NRG1: variants seen among roughly 807,000 people sequenced by gnomAD.
NRG1 encodes the protein neuregulin 1, also known as pro-neuregulin-1, membrane-bound isoform.
NRG1 carries 18 observed loss-of-function variants against 63.8 expected under a neutral mutation model. The ratio of observed to expected loss-of-function variants is 0.28; its 90% confidence interval spans 0.19 to 0.42. The LOEUF is 0.42. Among genes scored for constraint, NRG1 ranks in the 10% least tolerant of loss-of-function variants. The pLI, the probability that NRG1 is intolerant of heterozygous loss-of-function variation, is 1.00. For synonymous variants in NRG1, 302 were observed against 301.3 expected (o/e 1.00, Z -0.02); for missense variants, 762 against 814.7 (o/e 0.94, Z 0.79).
intron 1 of NRG1, among the ~76,000 whole-genome samples, chr8:31,724,488 T>A (rs1390522276): frequency 6.6e-6 from 1 of 152,144 alleles, no homozygotes; most frequent in Non-Finnish European, 1.5e-5. Flanking sequence ...GTTAATATCA[T>A]CAGGCAGAAC....
chr8:31,963,429 G>C (rs188450018), intron 1 of NRG1, among the ~76,000 whole-genome samples: 1 of 152,222 alleles, frequency 6.6e-6, no homozygotes, highest in East Asian at 1.9e-4. Context: ...GATACATTTT[G>C]GATACATCAG....
intron 1 of NRG1, among the ~76,000 whole-genome samples, chr8:32,406,748 G>A (rs578127929): frequency 3.3e-5 from 5 of 151,468 alleles, no homozygotes; most frequent in East Asian, 1.9e-4. Flanking sequence ...CTTCATCTTC[G>A]GTTTTCTTTA....
intron 1 of NRG1, among the ~76,000 whole-genome samples, chr8:31,830,417 A>G (rs567311593): frequency 7.3e-6 from 1 of 137,832 alleles, no homozygotes; most frequent in South Asian, 2.2e-4. Context: ...CTTAACACCT[A>G]TTTGATTTTT....
At chr8:31,841,290 G>GT (rs768512216) in intron 1 of NRG1, among the ~76,000 whole-genome samples, 1 of 152,076 alleles carries the variant, frequency 6.6e-6, no homozygotes, top group Non-Finnish European at 1.5e-5. Context: ...GAAGACCATG[G>GT]TACTTGTAGG....
Position 32,247,059 on chromosome 8 carries a change from T to C in NRG1, c.38-348769T>C, listed in dbSNP as rs562867653. ...TGGTAGGCATAAATCATATTATCACTTTGTACCCCATATACTTACAATATC... is the reference window on the plus strand; with the variant it reads ...TGGTAGGCATAAATCATATTATCACCTTGTACCCCATATACTTACAATATC... On this transcript the variant is annotated intron_variant, in intron 1 of 10. Coordinates refer to the NRG1 transcript ENST00000519301. Among the ~76,000 whole-genome samples, 232 of 152,184 alleles carry C rather than the reference T, an allele frequency of 1.5e-3. 1 individual carries two copies. Among genetic ancestry groups the C allele is most frequent in the Non-Finnish European group, 3.1e-3 (208 of 67,994 alleles).
chr8:32,372,453 G>A (rs1353469385), intron 1 of NRG1, among the ~76,000 whole-genome samples: 3 of 152,146 alleles, frequency 2.0e-5, no homozygotes, highest in East Asian at 1.9e-4. Flanking sequence ...CATGTAAATC[G>A]CTTACAAAAC....
At chr8:32,260,704 T>A (rs1850266029) in intron 1 of NRG1, among the ~76,000 whole-genome samples, 1 of 152,222 alleles carries the variant, frequency 6.6e-6, no homozygotes, top group South Asian at 2.1e-4. Context: ...AACAGTTTAG[T>A]ACTGCGTAGA....
chr8:31,951,648 C>A (rs542762061), intron 1 of NRG1, among the ~76,000 whole-genome samples: 1 of 152,292 alleles, frequency 6.6e-6, no homozygotes, highest in South Asian at 2.1e-4. Flanking sequence ...GCTAGGAAAT[C>A]TATTCTGATG....
chr8:32,448,545 T>C (rs1820559055), intron 1 of NRG1, among the ~76,000 whole-genome samples: 1 of 152,190 alleles, frequency 6.6e-6, no homozygotes, highest in Admixed American at 6.5e-5. Flanking sequence ...TTTTCTTTTA[T>C]TTCTTTTTAG....
chr8:32,237,031 G>C (rs1297196526), intron 1 of NRG1, among the ~76,000 whole-genome samples: 1 of 152,096 alleles, frequency 6.6e-6, no homozygotes, highest in Admixed American at 6.6e-5. Flanking sequence ...AACAAAACAA[G>C]CCACACTATC....
At chr8:32,153,799 C>A (rs1038516263) in intron 1 of NRG1, among the ~76,000 whole-genome samples, 3 of 152,094 alleles carry the variant, frequency 2.0e-5, no homozygotes, top group African/African-American at 7.2e-5. Flanking sequence ...TGTTGGATAT[C>A]AAAAGAAATC....
At chr8:32,647,797 C>T (rs199775395) in intron 5 of NRG1, 192 of 1,613,798 alleles carry the variant, frequency 1.2e-4, no homozygotes, top group South Asian at 1.1e-3. Flanking sequence ...AGTGCAGACC[C>T]ATCTCTTGAT....
chr8:32,578,194 G>C (rs1840010157), intron 1 of NRG1, among the ~76,000 whole-genome samples: 1 of 152,022 alleles, frequency 6.6e-6, no homozygotes, highest in Non-Finnish European at 1.5e-5. Context: ...CAAGATTTCA[G>C]TATGTTGGCC....
chr8:32,641,141 C>CTAAATATATACATATATATATA (rs1213376136), intron 5 of NRG1, among the ~76,000 whole-genome samples: 3 of 142,746 alleles, frequency 2.1e-5, no homozygotes, highest in Non-Finnish European at 4.6e-5. Flanking sequence ...AACCCCGTCT[C>CTAAATATATACATATATATATA]TAAATATATA....
chr8:31,839,733 C>T (rs1410340470), intron 1 of NRG1, among the ~76,000 whole-genome samples: 1 of 152,156 alleles, frequency 6.6e-6, no homozygotes, highest in Non-Finnish European at 1.5e-5. Context: ...GCAAAAATGT[C>T]AGAGTGTCTA....
In NRG1 at chr8:32,038,920, C is replaced by T. The variant is rs148374719; in HGVS notation, c.37+399489C>T. Among the ~76,000 whole-genome samples the T allele has an allele frequency of 5.6e-4, 85 of 151,986 alleles. 2 individuals are homozygous for T. Among genetic ancestry groups the T allele is most frequent in the Non-Finnish European group, 7.4e-5 (5 of 67,964 alleles). ...TGCCTGTTTTTTCTGTTGTGGGCAG[C>T]ATTGCAAAAGTGATCTGTATCCTCT... On this transcript the variant is annotated intron_variant, in intron 1 of 10. Coordinates refer to the NRG1 transcript ENST00000519301.
chr8:31,952,181 T>A (rs1244224105), intron 1 of NRG1, among the ~76,000 whole-genome samples: 2 of 152,218 alleles, frequency 1.3e-5, no homozygotes, highest in Admixed American at 1.3e-4. Context: ...AGGCTTCAAC[T>A]CTAATTTATT....
chr8:32,257,787 CTT>C (rs2129471242), intron 1 of NRG1, among the ~76,000 whole-genome samples: 1 of 152,296 alleles, frequency 6.6e-6, no homozygotes, highest in South Asian at 2.1e-4. Context: ...ACCTGTGTCT[CTT>C]GTCTCACTTC....
chr8:31,692,355 G>C (rs1809618459), intron 1 of NRG1, among the ~76,000 whole-genome samples: 1 of 152,090 alleles, frequency 6.6e-6, no homozygotes, highest in Non-Finnish European at 1.5e-5. Context: ...GTCTTAACTG[G>C]TATTAAAGGT....
Sources: allele counts gnomAD v4.1 joint callset (sites outside exome capture counted in the v4.1 genomes callset), GRCh38; gene constraint gnomAD v4.1.1; transcripts MANE v1.5; gene names NCBI Gene and HGNC (gene_info 2026-07-23, HGNC 2026-07-21).